Variants in MYH11 observed in about 807,000 individuals in gnomAD.
The protein encoded by MYH11 is myosin-11.
In MYH11, 80 loss-of-function variants were observed where a neutral mutation model predicts 246.6. The observed-to-expected ratio is 0.32, with a 90% CI of 0.27 to 0.39. MYH11 has a LOEUF of 0.39. MYH11 is among the 10% of genes least tolerant of loss of function. The pLI is 1.00. For synonymous variants in MYH11, 1,071 were observed against 1,015.5 expected (o/e 1.05, Z -1.04); for missense variants, 2,158 against 2,546.8 (o/e 0.85, Z 3.29).
intron 3 of MYH11, among the ~76,000 whole-genome samples, chr16:15,804,381 G>A (rs2042961280): frequency 1.3e-5 from 2 of 152,060 alleles, no homozygotes; most frequent in South Asian, 4.1e-4. Context: ...AATTAGCTGG[G>A]CGCGGTGGTG....
intron 3 of MYH11, among the ~76,000 whole-genome samples, chr16:15,805,438 C>T (rs1441205879): frequency 1.3e-5 from 2 of 152,168 alleles, no homozygotes; most frequent in Admixed American, 1.3e-4. Context: ...TGATAATAGG[C>T]CATCTATCCA....
intron 3 of MYH11, among the ~76,000 whole-genome samples, chr16:15,818,141 T>G (rs2043308719): frequency 6.6e-6 from 1 of 152,108 alleles, no homozygotes; most frequent in Non-Finnish European, 1.5e-5. Flanking sequence ...TACCCATCCC[T>G]CCTCAATCCC....
rs113964173 is a variant in MYH11 at position 15,715,019 on chromosome 16, C to G, written c.5676G>C (p.Glu1892Asp). 5.6e-3 allele frequency: 9,082 copies of G among 1,613,984 alleles called. 39 individuals carry two copies. The highest frequency in any genetic ancestry group is 0.017 in the Middle Eastern group (103 of 6,062). The stretch of plus-strand genomic sequence containing the variant: ...TGCGGTTGGCGTTGATGCGCTGGGA[C>G]TCCTCCTCTGCCTCCTCCAGCTGCC... ...LKRQLEEAEE[E>D]SQRINANRRK... Residue 1892 changes from glutamate to aspartate, a missense_variant, in exon 40 of 41, where the codon GAG (glutamate) becomes GAC (aspartate). Transcript: ENST00000300036.
At chr16:15,728,040 C>A (rs1353580712) in intron 27 of MYH11, among the ~76,000 whole-genome samples, 1 of 152,156 alleles carries the variant, frequency 6.6e-6, no homozygotes, top group Non-Finnish European at 1.5e-5. Context: ...ACCAGCCTGG[C>A]CAACATGGCG....
rs375299474 is a variant in MYH11, at chr16:15,853,514, A to G, written c.-18+3427T>C. Among the ~76,000 whole-genome samples the G allele has an allele frequency of 9.2e-5, 14 of 152,220 alleles. No individual in the cohort carries two copies. In the East Asian group the frequency reaches 2.5e-3, roughly 27 times the overall value. ...CCTCCTTAGCCCCTGAAACCCTGAT[A>G]CAAGTCACAGATGTCCGACCTCCCC... is the stretch of plus-strand genomic sequence containing the variant. On this transcript the variant is annotated intron_variant, in intron 1 of 40. Coordinates refer to ENST00000300036, the MANE Select transcript of MYH11 (RefSeq NM_002474.3).
chr16:15,728,346 C>T (rs200581966), intron 27 of MYH11, among the ~76,000 whole-genome samples: 2 of 151,854 alleles, frequency 1.3e-5, no homozygotes, highest in East Asian at 3.8e-4. Context: ...ACATATGCCT[C>T]AGTAATCCTA....
rs1157085360 is a variant in MYH11, at chr16:15,790,945, TTTTTC to T, written c.531-4218_531-4214del. 5 of 148,966 alleles carry T rather than the reference TTTTTC, an allele frequency of 3.4e-5. No homozygotes were observed. In the East Asian group the frequency reaches 7.9e-4, roughly 23 times the overall value. The allele number at this position is 148,966 out of a possible 1,614,324, so 9.2% of individuals were successfully genotyped here. ...AATTCTTTATAAACGCTCTGCATTTTTTTTCTTTTCTTTTTTTTTTTTTTTTTTTG... is the reference window on the plus strand; with the variant it reads ...AATTCTTTATAAACGCTCTGCATTTTTTTTCTTTTTTTTTTTTTTTTTTTG... On this transcript the variant is annotated intron_variant, in intron 4 of 40. Transcript: ENST00000300036.
intron 2 of MYH11, among the ~76,000 whole-genome samples, chr16:15,834,108 G>C (rs1355807008): frequency 6.6e-6 from 1 of 152,034 alleles, no homozygotes; most frequent in African/African-American, 2.4e-5. Context: ...GACAGCAGGT[G>C]AGATGAATAC....
At chr16:15,831,461 T>TGG (rs1429466455) in intron 2 of MYH11, among the ~76,000 whole-genome samples, 54 of 70,302 alleles carry the variant, frequency 7.7e-4, no homozygotes, top group African/African-American at 3.3e-3. Flanking sequence ...TTCTTATGTT[T>TGG]GGGGTGTGTG....
intron 9 of MYH11, among the ~76,000 whole-genome samples, chr16:15,765,994 TG>T (rs2041972827): frequency 6.6e-6 from 1 of 152,140 alleles, no homozygotes; most frequent in Non-Finnish European, 1.5e-5. Flanking sequence ...TTCTCTATTG[TG>T]GGGAGCTGTC....
At chr16:15,763,754 C>CCCCCCCCCAA in intron 10 of MYH11, 42 bp downstream of exon 10, 4 of 854,252 alleles carry the variant, frequency 4.7e-6, no homozygotes, top group African/African-American at 1.7e-5. Flanking sequence ...CCCACCCCCC[C>CCCCCCCCCAA]AACCCCAAAG....
intron 27 of MYH11, among the ~76,000 whole-genome samples, chr16:15,727,970 C>G (rs2040847344): frequency 6.6e-6 from 1 of 152,070 alleles, no homozygotes; most frequent in African/African-American, 2.4e-5. Flanking sequence ...GACCCTGTTT[C>G]AGAAATAAGT....
chr16:15,751,727 C>T (rs963436498), intron 15 of MYH11, among the ~76,000 whole-genome samples: 1 of 151,704 alleles, frequency 6.6e-6, no homozygotes, highest in Non-Finnish European at 1.5e-5. Flanking sequence ...ATTCTCCTGC[C>T]TTAGCCTCCT....
At chr16:15,845,295 G>A (rs958182315) in intron 1 of MYH11, among the ~76,000 whole-genome samples, 10 of 117,402 alleles carry the variant, frequency 8.5e-5, no homozygotes, top group South Asian at 3.0e-4. Context: ...ATATTTTTTC[G>A]CGATTTTTTT....
chr16:15,751,316 C>G lies in MYH11; in HGVS notation c.1865-985G>C, dbSNP rs377360749. Among the ~76,000 whole-genome samples the G allele has an allele frequency of 9.3e-4, 142 of 151,908 alleles. 1 individual carries two copies. The highest frequency in any genetic ancestry group is 1.7e-3 in the Non-Finnish European group (117 of 68,006). On this transcript the variant is annotated intron_variant, in intron 15 of 40. Transcript: ENST00000300036. Reference sequence around the variant, plus strand: ...CTGGGATTACAGGCATGCGCCACCACGCCCGGCTCATTTTTTTTATATTTT... The same window carrying G: ...CTGGGATTACAGGCATGCGCCACCAGGCCCGGCTCATTTTTTTTATATTTT...
intron 28 of MYH11, chr16:15,725,835 G>A: frequency 2.5e-6 from 1 of 396,606 alleles, no homozygotes; most frequent in Non-Finnish European, 4.4e-6. Context: ...TCATTCAGCA[G>A]CTTAAAACCC....
At chr16:15,848,057 A>C (rs2044241659) in intron 1 of MYH11, among the ~76,000 whole-genome samples, 1 of 152,104 alleles carries the variant, frequency 6.6e-6, no homozygotes, top group Admixed American at 6.6e-5. Flanking sequence ...CAGATCCGGA[A>C]ACCTGAAAGC....
intron 2 of MYH11, among the ~76,000 whole-genome samples, chr16:15,825,976 C>T (rs1352625997): frequency 6.6e-6 from 1 of 152,112 alleles, no homozygotes; most frequent in Non-Finnish European, 1.5e-5. Context: ...CTCTCAGTTA[C>T]AGCTAGGGTG....
At chr16:15,741,399 A>G (rs976591720) in intron 22 of MYH11, 64 bp downstream of exon 22, 1 of 1,553,212 alleles carries the variant, frequency 6.4e-7, no homozygotes, top group South Asian at 1.1e-5. Flanking sequence ...ATGCACCTCC[A>G]CAGGCCTGTG....
Sources: gnomAD v4.1 joint callset for allele counts (sites outside exome capture counted in the v4.1 genomes callset) on GRCh38, gnomAD v4.1.1 for gene constraint, MANE v1.5 for transcripts, NCBI Gene and HGNC (gene_info 2026-07-23, HGNC 2026-07-21) for gene names.